Variants in ADAMTS3 observed in about 807,000 individuals in gnomAD.
ADAMTS3 encodes the protein ADAM metallopeptidase with thrombospondin type 1 motif 3, also known as A disintegrin and metalloproteinase with thrombospondin motifs 3.
In ADAMTS3, 73 loss-of-function variants were observed where a neutral mutation model predicts 129.0. That is an observed-to-expected ratio of 0.57 (90% CI 0.47 to 0.69). The LOEUF (loss-of-function observed/expected upper bound fraction) is 0.69. Ranked by LOEUF, ADAMTS3 falls within the 30% of genes least tolerant of loss-of-function variation. The probability of loss-of-function intolerance (pLI) is 0.00; values close to 1 mark genes in which losing one functional copy is unlikely to be tolerated. For missense variants in ADAMTS3, 1,457 were observed against 1,514.5 expected, an observed-to-expected ratio of 0.96 and a Z score of 0.63; for synonymous variants, 477 against 510.8, an observed-to-expected ratio of 0.93 and a Z score of 0.89.
chr4:72,414,467 G>A (rs972663340), intron 4 of ADAMTS3, among the ~76,000 whole-genome samples: 9 of 151,604 alleles, frequency 5.9e-5, no homozygotes, highest in African/African-American at 2.2e-4. Context: ...TCCTTTAAAA[G>A]GTTTAAAATA....
intron 18 of ADAMTS3, among the ~76,000 whole-genome samples, chr4:72,297,095 T>C (rs1006736482): frequency 6.6e-6 from 1 of 152,104 alleles, no homozygotes. Flanking sequence ...TGGGAAATAA[T>C]ATAATTTTAC....
chr4:72,315,195 TCTGCTGAGTTG>T (rs1719359746), intron 11 of ADAMTS3, among the ~76,000 whole-genome samples: 1 of 152,238 alleles, frequency 6.6e-6, no homozygotes, highest in Admixed American at 6.5e-5. Flanking sequence ...GGGCAGATAG[TCTGCTGAGTTG>T]CTTCTTCCTA....
intron 5 of ADAMTS3, among the ~76,000 whole-genome samples, chr4:72,333,645 C>G (rs1176475314): frequency 6.6e-6 from 1 of 152,010 alleles, no homozygotes; most frequent in Non-Finnish European, 1.5e-5. Flanking sequence ...CCTCCTATGA[C>G]CTGAAAGATG....
intron 4 of ADAMTS3, among the ~76,000 whole-genome samples, chr4:72,375,028 T>C (rs1721103057): frequency 6.6e-6 from 1 of 152,206 alleles, no homozygotes; most frequent in African/African-American, 2.4e-5. Context: ...TTTATAATCT[T>C]AGCTGCTAGC....
intron 3 of ADAMTS3, among the ~76,000 whole-genome samples, chr4:72,512,714 C>T (rs1272477159): frequency 2.0e-5 from 3 of 151,922 alleles, no homozygotes; most frequent in Non-Finnish European, 2.9e-5. Context: ...TCATGCCCCC[C>T]GTAAATATAT....
At chr4:72,411,758 C>A (rs1722189851) in intron 4 of ADAMTS3, among the ~76,000 whole-genome samples, 3 of 152,052 alleles carry the variant, frequency 2.0e-5, no homozygotes. Flanking sequence ...TTCTGTTTCT[C>A]ATTTTATATA....
chr4:72,333,709 C>T (rs1719909580), intron 5 of ADAMTS3, among the ~76,000 whole-genome samples: 1 of 152,100 alleles, frequency 6.6e-6, no homozygotes, highest in South Asian at 2.1e-4. Context: ...ATTTGAGCCA[C>T]AATGACCTTT....
chr4:72,323,500 T>A (rs1207355039), intron 5 of ADAMTS3, among the ~76,000 whole-genome samples: 2 of 152,156 alleles, frequency 1.3e-5, no homozygotes, highest in Non-Finnish European at 2.9e-5. Flanking sequence ...ATTTGCTTAC[T>A]GGGGTGCCTG....
chr4:72,316,305 A>T (rs535932416), intron 10 of ADAMTS3, among the ~76,000 whole-genome samples: 1 of 152,304 alleles, frequency 6.6e-6, no homozygotes, highest in African/African-American at 2.4e-5. Context: ...AATATTGTAA[A>T]TATGAAAATA....
intron 5 of ADAMTS3, among the ~76,000 whole-genome samples, chr4:72,338,656 G>A (rs759565603): frequency 4.5e-4 from 68 of 151,896 alleles, no homozygotes; most frequent in Non-Finnish European, 8.2e-4. Flanking sequence ...TGAGGGGGGA[G>A]GGTGGGTTGA....
At chr4:72,370,383 C>G (rs532544473) in intron 4 of ADAMTS3, among the ~76,000 whole-genome samples, 1 of 134,184 alleles carries the variant, frequency 7.5e-6, no homozygotes, top group African/African-American at 2.7e-5. Flanking sequence ...CTTATTATAT[C>G]AATTTGCTTA....
intron 3 of ADAMTS3, among the ~76,000 whole-genome samples, chr4:72,523,618 T>A (rs945192012): frequency 1.3e-5 from 2 of 152,116 alleles, no homozygotes; most frequent in Admixed American, 6.5e-5. Context: ...CATAGTTTTT[T>A]AAATAATTGT....
chr4:72,568,604 G>T, intron 1 of ADAMTS3, 90 bp downstream of exon 1: 1 of 961,932 alleles, frequency 1.0e-6, no homozygotes, highest in Non-Finnish European at 1.6e-6. Context: ...GGGAGGAGAA[G>T]GAGGAAAGAG....
intron 3 of ADAMTS3, among the ~76,000 whole-genome samples, chr4:72,511,497 A>G (rs1322443311): frequency 6.6e-6 from 1 of 152,254 alleles, no homozygotes; most frequent in Admixed American, 6.5e-5. Context: ...ACAAATGGCA[A>G]ACGGACATAC....
intron 3 of ADAMTS3, among the ~76,000 whole-genome samples, chr4:72,500,382 G>C (rs574172481): frequency 6.6e-6 from 1 of 152,174 alleles, no homozygotes; most frequent in African/African-American, 2.4e-5. Context: ...GTGATATTGA[G>C]CATTTTTTCA....
intron 3 of ADAMTS3, among the ~76,000 whole-genome samples, chr4:72,453,363 A>T (rs1199443995): frequency 6.6e-6 from 1 of 151,802 alleles, no homozygotes; most frequent in Non-Finnish European, 1.5e-5. Context: ...GTTAAAAATA[A>T]CAGCTAATAT....
intron 3 of ADAMTS3, among the ~76,000 whole-genome samples, chr4:72,485,240 G>A (rs1344246801): frequency 1.3e-5 from 2 of 152,082 alleles, no homozygotes; most frequent in Admixed American, 6.6e-5. Flanking sequence ...TACTGTTTTT[G>A]TGTATTTTGT....
At chr4:72,370,765 A>G (rs1047605987) in intron 4 of ADAMTS3, among the ~76,000 whole-genome samples, 5 of 152,144 alleles carry the variant, frequency 3.3e-5, no homozygotes, top group African/African-American at 1.2e-4. Flanking sequence ...AAATAAATAA[A>G]TAAGACAATT....
intron 5 of ADAMTS3, among the ~76,000 whole-genome samples, chr4:72,334,237 T>C (rs1307941015): frequency 2.0e-5 from 3 of 152,166 alleles, no homozygotes; most frequent in Admixed American, 2.0e-4. Flanking sequence ...ATAGTTCTTA[T>C]GTAACCTATG....
Sources: allele counts gnomAD v4.1 joint callset (sites outside exome capture counted in the v4.1 genomes callset), GRCh38; gene constraint gnomAD v4.1.1; transcripts MANE v1.5; gene names NCBI Gene and HGNC (gene_info 2026-07-23, HGNC 2026-07-21).